ASS1: variants seen among roughly 807,000 people sequenced by gnomAD.
The protein encoded by ASS1 is argininosuccinate synthase 1.
In ASS1, 58 loss-of-function variants were observed where a neutral mutation model predicts 60.5. That is an observed-to-expected ratio of 0.96 (90% CI 0.78 to 1.19). The LOEUF (loss-of-function observed/expected upper bound fraction) is 1.19, where lower values mean the gene tolerates loss of function less well. Among genes scored for constraint, ASS1 ranks in the 50% most tolerant of loss-of-function variants. The pLI, the probability that ASS1 is intolerant of heterozygous loss-of-function variation, is 0.00. For synonymous variants in ASS1, 200 were observed against 206.9 expected (o/e 0.97, Z 0.29); for missense variants, 454 against 547.3 (o/e 0.83, Z 1.70).
At chr9:130,479,671 G>T (rs201974238) in intron 9 of ASS1, 45 bp from the exon 10 acceptor site, 5 of 1,518,580 alleles carry the variant, frequency 3.3e-6, no homozygotes, top group Admixed American at 1.7e-5. Context: ...AGACTCCTCC[G>T]CTGAGCCGGG....
rs1451551377 is a variant in ASS1, at chr9:130,478,892, A to C, written c.689-824A>C. On this transcript the variant is annotated intron_variant, in intron 9 of 14. Coordinates refer to ENST00000352480, the MANE Select transcript of ASS1 (RefSeq NM_054012.4). This position sits in a 1 kb window ranked among gnomAD's most constrained non-coding sequence, Gnocchi z 4.7. ...GCGGCGCCTGGCTAATAAAGCCTCG[A>C]AAGCCGCTATTGAGGCCTGATTGGC... 1.3e-5 allele frequency among the ~76,000 whole-genome samples: 2 copies of C among 152,222 alleles called. No individual in the cohort carries two copies. The highest frequency in any genetic ancestry group is 2.9e-5 in the Non-Finnish European group (2 of 68,044).
At chr9:130,492,770 A>G (rs980336384) in intron 12 of ASS1, among the ~76,000 whole-genome samples, 1 of 152,206 alleles carries the variant, frequency 6.6e-6, no homozygotes, top group Non-Finnish European at 1.5e-5. Flanking sequence ...TGGGCCTAGC[A>G]GCACGGGGGA....
rs71387350 is a variant in ASS1 at position 130,448,422 on chromosome 9, G to GCGCACA, written c.-6+3428_-6+3429insGCACAC. 5.4e-3 allele frequency among the ~76,000 whole-genome samples: 775 copies of GCGCACA among 143,354 alleles called. 5 individuals carry two copies. The highest frequency in any genetic ancestry group is 0.015 in the African/African-American group (546 of 36,438). The allele number at this position is 143,354 out of a possible 152,430, so 94.0% of individuals were successfully genotyped here. On this transcript the variant is annotated intron_variant, in intron 1 of 14. Coordinates refer to ENST00000352480, the MANE Select transcript of ASS1 (RefSeq NM_054012.4). ...TGGGTGCACACAGGTGTGTGCGCGC[G>GCGCACA]CACACACACACACACACACACACTG...
rs1172296623 is a variant in ASS1, at chr9:130,488,439, G to A, written c.839-894G>A. ...GAGAGGTCGCACTCCTGGGGCAAGAGGGGGCCTGGGCTGTGTGCTGTGGGC... is the reference window on the plus strand; with the variant it reads ...GAGAGGTCGCACTCCTGGGGCAAGAAGGGGCCTGGGCTGTGTGCTGTGGGC... On this transcript the variant is annotated intron_variant, in intron 11 of 14. Transcript: ENST00000352480. The surrounding 1 kb of genome is among the most constrained non-coding windows in gnomAD (Gnocchi z 5.2). 6.6e-6 allele frequency among the ~76,000 whole-genome samples: 1 copy of A among 152,226 alleles called. No individual in the cohort carries two copies. The highest frequency in any genetic ancestry group is 1.5e-5 in the Non-Finnish European group (1 of 68,042).
chr9:130,457,676 C>A (rs866489862), intron 3 of ASS1, among the ~76,000 whole-genome samples: 42 of 152,054 alleles, frequency 2.8e-4, no homozygotes, highest in African/African-American at 1.0e-3. Context: ...TTCCACCCCC[C>A]ACCTGGTAGT....
chr9:130,468,971 G>T (rs889484577), intron 6 of ASS1, among the ~76,000 whole-genome samples: 1 of 152,220 alleles, frequency 6.6e-6, no homozygotes, highest in Non-Finnish European at 1.5e-5. Flanking sequence ...GTCTTGGGAG[G>T]GTCATTGTCA....
Position 130,458,567 on chromosome 9 carries a change from T to A in ASS1, c.341T>A (p.Val114Glu). 1 of 1,613,008 alleles carries A rather than the reference T, an allele frequency of 6.2e-7. No homozygotes were observed. Among genetic ancestry groups the A allele is most frequent in the Non-Finnish European group, 8.5e-7 (1 of 1,179,860 alleles). Reference protein sequence around the residue: ...EIAQREGAKYVSHGATGKGND... With the variant: ...EIAQREGAKYESHGATGKGND... ...GCCCAGCGGGAGGGGGCCAAGTATG[T>A]GTCCCACGGCGCCACAGGAAAGGTG... The change falls in exon 4 of 15, where the codon GTG becomes GAG. Residue 114 changes from valine to glutamate, a missense_variant. Coordinates refer to ENST00000352480, the MANE Select transcript of ASS1 (RefSeq NM_054012.4).
intron 6 of ASS1, among the ~76,000 whole-genome samples, chr9:130,467,002 C>T (rs1028190104): frequency 6.6e-6 from 1 of 152,236 alleles, no homozygotes; most frequent in East Asian, 1.9e-4. Context: ...TCTGCCAGCC[C>T]GTTGCCAGGG....
At chr9:130,499,644 G>A (rs1263877368) in intron 14 of ASS1, 74 bp downstream of exon 14, 5 of 1,463,990 alleles carry the variant, frequency 3.4e-6, no homozygotes, top group South Asian at 1.2e-5. Flanking sequence ...GCCCCCAGGT[G>A]TAAAGGGTAG....
At chr9:130,448,076 G>T (rs1845235333) in intron 1 of ASS1, among the ~76,000 whole-genome samples, 1 of 151,732 alleles carries the variant, frequency 6.6e-6, no homozygotes, top group African/African-American at 2.4e-5. Flanking sequence ...TGCAGCTGTG[G>T]TTCCTTCTCT....
At chr9:130,466,120 GC>G (rs1322099545) in intron 5 of ASS1, among the ~76,000 whole-genome samples, 3 of 152,200 alleles carry the variant, frequency 2.0e-5, no homozygotes, top group African/African-American at 7.2e-5. Flanking sequence ...ACACACACAT[GC>G]CCCCGAGTCC....
Position 130,478,402 on chromosome 9 carries a change from GCAC to G in ASS1, c.689-1311_689-1309del, listed in dbSNP as rs1846076074. ...GGTGGCAGGCTGCGGAGGGTCCTGG[GCAC>G]CAGGCTCTGGCAGCCCTGCCCGAGG... On this transcript the variant is annotated intron_variant, in intron 9 of 14. Coordinates refer to ENST00000352480, the MANE Select transcript of ASS1 (RefSeq NM_054012.4). This position sits in a 1 kb window ranked among gnomAD's most constrained non-coding sequence, Gnocchi z 4.7. 5.9e-5 allele frequency among the ~76,000 whole-genome samples: 9 copies of G among 152,228 alleles called. No homozygotes were observed. The South Asian group carries it at 1.9e-3, about 32-fold the overall frequency.
chr9:130,446,985 C>G (rs1034904427), intron 1 of ASS1, among the ~76,000 whole-genome samples: 1 of 152,232 alleles, frequency 6.6e-6, no homozygotes, highest in Admixed American at 6.5e-5. Flanking sequence ...ATGAGTGGAA[C>G]GAATGAATGA....
At chr9:130,475,850 A>G (rs1846002678) in intron 8 of ASS1, among the ~76,000 whole-genome samples, 1 of 144,430 alleles carries the variant, frequency 6.9e-6, no homozygotes, top group South Asian at 2.2e-4. Flanking sequence ...TCCGCCTCCC[A>G]GGTTCAAGCA....
chr9:130,450,345 C>A, intron 1 of ASS1: 1 of 987,206 alleles, frequency 1.0e-6, no homozygotes. Context: ...TACTGCCCAC[C>A]TTAAGTCCTC....
At chr9:130,492,410 G>A (rs1846471236) in intron 12 of ASS1, among the ~76,000 whole-genome samples, 1 of 152,150 alleles carries the variant, frequency 6.6e-6, no homozygotes, top group African/African-American at 2.4e-5. Context: ...GAGGCACAGG[G>A]AAGCCCTCCT....
At position 130,477,037 on chromosome 9, in the gene ASS1, A is replaced by G; in HGVS notation, c.688+76A>G. 6.9e-7 allele frequency: 1 copy of G among 1,455,092 alleles called. No homozygotes were observed. Among genetic ancestry groups the G allele is most frequent in the South Asian group, 1.1e-5 (1 of 87,372 alleles). The allele number at this position is 1,455,092 out of a possible 1,614,324, so 90.1% of individuals were successfully genotyped here. On this transcript the variant is annotated intron_variant, in intron 9 of 14. Transcript: ENST00000352480. The surrounding 1 kb of genome is among the most constrained non-coding windows in gnomAD (Gnocchi z 4.2). ...GCTCCTTTCCCCTCCCTGCCTGGGAACCTAGGCCCTCTTTACCCCCGCCCT... is the reference window on the plus strand; with the variant it reads ...GCTCCTTTCCCCTCCCTGCCTGGGAGCCTAGGCCCTCTTTACCCCCGCCCT...
rs1300140548 is a variant in ASS1, at chr9:130,488,464, C to T, written c.839-869C>T. 1.3e-5 allele frequency among the ~76,000 whole-genome samples: 2 copies of T among 152,180 alleles called. No individual in the cohort carries two copies. Among genetic ancestry groups the T allele is most frequent in the African/African-American group, 4.8e-5 (2 of 41,446 alleles). On this transcript the variant is annotated intron_variant, in intron 11 of 14. Coordinates refer to ENST00000352480, the MANE Select transcript of ASS1 (RefSeq NM_054012.4). The surrounding 1 kb of genome is among the most constrained non-coding windows in gnomAD (Gnocchi z 5.2). ...GGGGGCCTGGGCTGTGTGCTGTGGGCGGTCCTGCCTCTTGGTGCCCCACTG... is the reference window on the plus strand; with the variant it reads ...GGGGGCCTGGGCTGTGTGCTGTGGGTGGTCCTGCCTCTTGGTGCCCCACTG...
chr9:130,457,478 C>CA (rs569419096), intron 3 of ASS1, among the ~76,000 whole-genome samples: 6 of 151,220 alleles, frequency 4.0e-5, no homozygotes, highest in East Asian at 1.9e-4. Context: ...CTCAAAAAAA[C>CA]AAAAAAAAAG....
Sources: allele counts gnomAD v4.1 joint callset (sites outside exome capture counted in the v4.1 genomes callset), GRCh38; gene constraint gnomAD v4.1.1; non-coding constraint Gnocchi (gnomAD v3.1); transcripts MANE v1.5; gene names NCBI Gene and HGNC (gene_info 2026-07-23, HGNC 2026-07-21).